Variants in WDR7 observed in about 807,000 individuals in gnomAD.
WDR7 encodes WD repeat-containing protein 7.
In WDR7, 46 loss-of-function variants were observed where a neutral mutation model predicts 169.4. That is an observed-to-expected ratio of 0.27 (90% CI 0.21 to 0.35). The LOEUF (loss-of-function observed/expected upper bound fraction) is 0.35, where lower values mean the gene tolerates loss of function less well. Among genes scored for constraint, WDR7 ranks in the 10% least tolerant of loss-of-function variants. The pLI, the probability that WDR7 is intolerant of heterozygous loss-of-function variation, is 1.00. For synonymous variants in WDR7, 612 were observed against 666.8 expected, an observed-to-expected ratio of 0.92 and a Z score of 1.27; for missense variants, 1,534 against 1,859.3, an observed-to-expected ratio of 0.83 and a Z score of 3.22.
intron 12 of WDR7, among the ~76,000 whole-genome samples, chr18:56,713,895 A>T (rs2026135539): frequency 6.6e-6 from 1 of 150,702 alleles, no homozygotes; most frequent in South Asian, 2.1e-4. Flanking sequence ...AGAGGAAACC[A>T]AGTTGTGTTT....
chr18:56,965,882 A>T (rs1283573640), intron 26 of WDR7, among the ~76,000 whole-genome samples: 1 of 152,130 alleles, frequency 6.6e-6, no homozygotes, highest in Non-Finnish European at 1.5e-5. Context: ...TAATGATTAT[A>T]TATATAATTA....
Position 56,781,635 on chromosome 18 carries a change from T to C in WDR7, c.3169T>C (p.Tyr1057His), listed in dbSNP as rs770476906. 1 of 1,608,910 alleles carries C rather than the reference T, an allele frequency of 6.2e-7. No individual in the cohort carries two copies. The highest frequency in any genetic ancestry group is 2.2e-5 in the East Asian group (1 of 44,520). The part of the protein sequence containing the change: ...IDAWAPYLPQ[Y>H]IDHVISPGVT... ...TGCCTGGGCTCCTTACTTACCTCAG[T>C]ACATAGACCACGTCATATCACGTAA... The change falls in exon 19 of 28, where the codon TAC becomes CAC. Residue 1057 changes from tyrosine to histidine, a missense_variant. Physicochemically the swap from Tyr to His is moderately conservative, Grantham distance 83. Transcript: ENST00000254442.
chr18:56,735,468 G>A (rs370507494), intron 14 of WDR7, among the ~76,000 whole-genome samples: 1 of 152,172 alleles, frequency 6.6e-6, no homozygotes, highest in Non-Finnish European at 1.5e-5. Flanking sequence ...ATGATGGTGA[G>A]ATAAAATGGA....
intron 25 of WDR7, among the ~76,000 whole-genome samples, chr18:56,950,680 G>A (rs537519066): frequency 2.8e-4 from 43 of 152,130 alleles, no homozygotes; most frequent in Admixed American, 1.3e-3. Context: ...TAGATTTCAG[G>A]AAAACTAAGG....
chr18:57,029,215 C>A lies in WDR7; in HGVS notation c.*2008C>A, dbSNP rs994535781. On this transcript the variant is annotated 3_prime_UTR_variant, in exon 28 of 28. Transcript: ENST00000254442. ...CCGCAAACACACGGATGGCTCCCCC[C>A]GCCACGAAGGTTGAGAACAAAGCCA... 2 of 152,134 alleles carry A rather than the reference C, an allele frequency of 1.3e-5. No individual in the cohort carries two copies. The highest frequency in any genetic ancestry group is 2.4e-5 in the African/African-American group (1 of 41,436). 9.4% of individuals were successfully genotyped at this position (152,134 alleles called of 1,614,324 possible). A position where few individuals can be genotyped will look rare whatever the true frequency, so the allele number is the denominator to read the frequency against.
chr18:56,844,131 G>A lies in WDR7; in HGVS notation c.3304+27987G>A, dbSNP rs146916986. ...CTGCCTCGTCCTCCCAAAGTGCTAGGATTACAGGCATGAGCCACCACACTC... is the reference window on the plus strand; with the variant it reads ...CTGCCTCGTCCTCCCAAAGTGCTAGAATTACAGGCATGAGCCACCACACTC... On this transcript the variant is annotated intron_variant, in intron 20 of 27. Coordinates refer to ENST00000254442, the MANE Select transcript of WDR7 (RefSeq NM_015285.3). 4.0e-5 allele frequency among the ~76,000 whole-genome samples: 6 copies of A among 151,394 alleles called. No individual in the cohort carries two copies. The East Asian group carries it at 9.7e-4, about 24-fold the overall frequency.
At chr18:56,784,026 G>A (rs9959860) in intron 19 of WDR7, among the ~76,000 whole-genome samples, 4,024 of 152,236 alleles carry the variant, frequency 0.026, 73 homozygotes, top group African/African-American at 0.051. Flanking sequence ...CTTTGTCTGC[G>A]TCAGGCTTTG....
chr18:56,930,999 G>A (rs975711979), intron 22 of WDR7, among the ~76,000 whole-genome samples: 5 of 152,274 alleles, frequency 3.3e-5, no homozygotes, highest in Admixed American at 3.3e-4. Flanking sequence ...TCTGTGAAGG[G>A]GGAGCTCAGG....
chr18:56,772,130 G>A (rs1599031865), intron 16 of WDR7, among the ~76,000 whole-genome samples: 1 of 145,790 alleles, frequency 6.9e-6, no homozygotes, highest in East Asian at 2.1e-4. Context: ...AATTCTGAAT[G>A]CAAACCATCA....
chr18:56,874,731 TACCTAA>T (rs2045999968), intron 20 of WDR7, among the ~76,000 whole-genome samples: 1 of 152,104 alleles, frequency 6.6e-6, no homozygotes, highest in African/African-American at 2.4e-5. Context: ...TTCTGTACAC[TACCTAA>T]AAGTGAATGG....
In WDR7 at chr18:56,827,294, A is replaced by G. The variant is rs1347061356; in HGVS notation, c.3304+11150A>G. Among the ~76,000 whole-genome samples, 4 of 152,202 alleles carry G rather than the reference A, an allele frequency of 2.6e-5. No homozygotes were observed. The East Asian group carries it at 5.8e-4, about 22-fold the overall frequency. ...CCTGAAATATGAGGATAATAAGGTT[A>G]TTAGGAGACAGATGAATGGCTACAG... On this transcript the variant is annotated intron_variant, in intron 20 of 27. Coordinates refer to ENST00000254442, the MANE Select transcript of WDR7 (RefSeq NM_015285.3).
chr18:57,023,142 GAA>G (rs1291685392), intron 27 of WDR7, among the ~76,000 whole-genome samples: 3 of 152,162 alleles, frequency 2.0e-5, no homozygotes, highest in Non-Finnish European at 4.4e-5. Flanking sequence ...GCTTTCTCAG[GAA>G]AATGCAATGA....
intron 26 of WDR7, among the ~76,000 whole-genome samples, chr18:57,012,260 T>C (rs971482216): frequency 6.6e-6 from 1 of 152,160 alleles, no homozygotes; most frequent in Non-Finnish European, 1.5e-5. Context: ...AAGGCAGGAC[T>C]ACCCTGGGAA....
intron 14 of WDR7, among the ~76,000 whole-genome samples, chr18:56,751,368 A>G (rs2043788545): frequency 1.3e-5 from 2 of 152,304 alleles, no homozygotes; most frequent in South Asian, 2.1e-4. Context: ...TTTTTCTTCA[A>G]GTCACTTGTG....
intron 14 of WDR7, among the ~76,000 whole-genome samples, chr18:56,754,747 TAC>T (rs2043856989): frequency 6.6e-6 from 1 of 152,228 alleles, no homozygotes; most frequent in Admixed American, 6.5e-5. Flanking sequence ...AAATATTCGA[TAC>T]AGTTTCACTG....
chr18:56,808,073 G>T (rs747915147), intron 19 of WDR7, among the ~76,000 whole-genome samples: 2 of 152,170 alleles, frequency 1.3e-5, no homozygotes, highest in Non-Finnish European at 2.9e-5. Flanking sequence ...GGCAATGTGT[G>T]CAGAGAGACT....
chr18:56,662,395 A>G (rs2024922901), intron 1 of WDR7, among the ~76,000 whole-genome samples: 1 of 152,228 alleles, frequency 6.6e-6, no homozygotes, highest in African/African-American at 2.4e-5. Flanking sequence ...CCAATATTAC[A>G]TGGGATAGTG....
chr18:56,831,661 G>GAC (rs2045310818), intron 20 of WDR7, among the ~76,000 whole-genome samples: 1 of 151,922 alleles, frequency 6.6e-6, no homozygotes, highest in Non-Finnish European at 1.5e-5. Flanking sequence ...GACTGGTTAG[G>GAC]ACAGTGGGTG....
At chr18:56,860,165 A>T (rs2045782584) in intron 20 of WDR7, among the ~76,000 whole-genome samples, 1 of 152,146 alleles carries the variant, frequency 6.6e-6, no homozygotes, top group South Asian at 2.1e-4. Context: ...GCACAGAATG[A>T]TGGGCCCATG....
Sources: allele counts gnomAD v4.1 joint callset (sites outside exome capture counted in the v4.1 genomes callset), GRCh38; gene constraint gnomAD v4.1.1; transcripts MANE v1.5; gene names NCBI Gene and HGNC (gene_info 2026-07-23, HGNC 2026-07-21).